Variants in SCD5 observed in about 807,000 individuals in gnomAD.
The protein encoded by SCD5 is stearoyl-CoA desaturase 5, also known as acyl-CoA-desaturase 4.
SCD5 carries 20 observed loss-of-function variants against 30.4 expected under a neutral mutation model. That is an observed-to-expected ratio of 0.66 (90% CI 0.46 to 0.96). SCD5 has a LOEUF of 0.96. Among genes scored for constraint, SCD5 ranks in the 40% least tolerant of loss-of-function variants. SCD5 has a pLI of 0.00. For missense variants in SCD5, 381 were observed against 443.3 expected, an observed-to-expected ratio of 0.86 and a Z score of 1.26; for synonymous variants, 173 against 176.4, an observed-to-expected ratio of 0.98 and a Z score of 0.16.
chr4:82,711,576 C>G (rs10020085), intron 1 of SCD5, among the ~76,000 whole-genome samples: 59,325 of 151,722 alleles, frequency 0.39, 12,103 homozygotes, highest in Middle Eastern at 0.51. Context: ...CGTGGTAGCA[C>G]GTGCCTGTAG....
intron 2 of SCD5, among the ~76,000 whole-genome samples, chr4:82,687,173 GAAAAAAA>G (rs58937590): frequency 9.2e-6 from 1 of 108,636 alleles, no homozygotes; most frequent in African/African-American, 3.4e-5. Context: ...CTTGTTACAA[GAAAAAAA>G]AAAAAAAAAG....
At chr4:82,696,687 G>A (rs1169361518) in intron 2 of SCD5, among the ~76,000 whole-genome samples, 1 of 152,172 alleles carries the variant, frequency 6.6e-6, no homozygotes, top group African/African-American at 2.4e-5. Context: ...AGGCAGCTGG[G>A]GGAGAAATCA....
chr4:82,784,540 G>A (rs1249468835), intron 1 of SCD5, among the ~76,000 whole-genome samples: 1 of 152,162 alleles, frequency 6.6e-6, no homozygotes, highest in Non-Finnish European at 1.5e-5. Flanking sequence ...TTGTAAACCA[G>A]AAAATAAAAT....
At chr4:82,783,005 C>G (rs1270467694) in intron 1 of SCD5, among the ~76,000 whole-genome samples, 1 of 152,192 alleles carries the variant, frequency 6.6e-6, no homozygotes, top group African/African-American at 2.4e-5. Context: ...TCTCCAACCC[C>G]CTGGCTATAA....
chr4:82,675,992 T>A (rs1028941830), intron 3 of SCD5, among the ~76,000 whole-genome samples: 5 of 152,198 alleles, frequency 3.3e-5, no homozygotes, highest in African/African-American at 7.2e-5. Context: ...AGAATACATT[T>A]CCCTGTTTCC....
chr4:82,682,791 G>A (rs1015932131), intron 2 of SCD5, among the ~76,000 whole-genome samples: 2 of 152,136 alleles, frequency 1.3e-5, no homozygotes, highest in Admixed American at 6.6e-5. Context: ...TGGGACTACA[G>A]GTGTATGCCA....
At chr4:82,664,997 C>CTATATATATATATATA in intron 3 of SCD5, among the ~76,000 whole-genome samples, 1 of 79,374 alleles carries the variant, frequency 1.3e-5, no homozygotes, top group South Asian at 5.5e-4. Context: ...CTCTCTCTCT[C>CTATATATATATATATA]TCTATATATA....
intron 1 of SCD5, among the ~76,000 whole-genome samples, chr4:82,784,675 A>G (rs1378307100): frequency 6.6e-6 from 1 of 152,232 alleles, no homozygotes; most frequent in African/African-American, 2.4e-5. Flanking sequence ...CATAACTTTA[A>G]GCCAGAATAA....
chr4:82,708,987 C>T (rs956208188), intron 1 of SCD5, among the ~76,000 whole-genome samples: 13 of 152,124 alleles, frequency 8.5e-5, no homozygotes, highest in African/African-American at 3.1e-4. Flanking sequence ...TCATTTAATA[C>T]TCACCACAAG....
chr4:82,676,662 C>A (rs7689308), intron 3 of SCD5, among the ~76,000 whole-genome samples: 121,960 of 152,204 alleles, frequency 0.8, 49,071 homozygotes, highest in Middle Eastern at 0.86. Context: ...AATCCAGGGC[C>A]TGGCCCAGAA....
intron 1 of SCD5, among the ~76,000 whole-genome samples, chr4:82,734,804 GCC>G (rs1720712740): frequency 7.3e-6 from 1 of 137,400 alleles, no homozygotes; most frequent in Non-Finnish European, 1.6e-5. Context: ...TCACTTTATT[GCC>G]CAGGCTGGAG....
At chr4:82,679,234 A>AAG (rs1560531633) in intron 3 of SCD5, among the ~76,000 whole-genome samples, 1 of 96,376 alleles carries the variant, frequency 1.0e-5, no homozygotes, top group African/African-American at 4.1e-5. Flanking sequence ...GAAAGAAAGA[A>AAG]AGAAAGAAAG....
intron 3 of SCD5, among the ~76,000 whole-genome samples, chr4:82,640,921 C>T (rs1727529694): frequency 6.6e-6 from 1 of 151,938 alleles, no homozygotes; most frequent in Non-Finnish European, 1.5e-5. Context: ...TGTCTTTTTG[C>T]TAAATGGGTT....
chr4:82,766,568 G>A (rs371605729), intron 1 of SCD5, among the ~76,000 whole-genome samples: 21 of 152,090 alleles, frequency 1.4e-4, no homozygotes, highest in Non-Finnish European at 2.5e-4. Context: ...TGTCATTTCC[G>A]ACTCTGTTTC....
chr4:82,729,308 T>C lies in SCD5; in HGVS notation c.233-23895A>G, dbSNP rs572026357. On this transcript the variant is annotated intron_variant, in intron 1 of 4. Coordinates refer to ENST00000319540, the MANE Select transcript of SCD5 (RefSeq NM_001037582.3). ...CAGAAGGAAGGAGGGGCTGTACCTATGGTGGTGAGGAGGGCCAAGGACTTC... is the reference window on the plus strand; with the variant it reads ...CAGAAGGAAGGAGGGGCTGTACCTACGGTGGTGAGGAGGGCCAAGGACTTC... 7.1e-4 allele frequency among the ~76,000 whole-genome samples: 108 copies of C among 152,242 alleles called. 1 individual carries two copies. Among genetic ancestry groups the C allele is most frequent in the African/African-American group, 2.4e-3 (100 of 41,538 alleles).
chr4:82,730,761 A>G (rs975504750), intron 1 of SCD5, among the ~76,000 whole-genome samples: 2 of 146,112 alleles, frequency 1.4e-5, no homozygotes, highest in African/African-American at 5.1e-5. Context: ...AATTTTTTGT[A>G]TTTTAGTAGA....
At chr4:82,736,010 G>A (rs376501435) in intron 1 of SCD5, among the ~76,000 whole-genome samples, 2 of 152,138 alleles carry the variant, frequency 1.3e-5, no homozygotes, top group East Asian at 3.9e-4. Context: ...TCTTGGCCAC[G>A]CACAGTGGCT....
chr4:82,632,018 C>A (rs920775309), intron 4 of SCD5, among the ~76,000 whole-genome samples: 4 of 151,642 alleles, frequency 2.6e-5, no homozygotes, highest in African/African-American at 9.7e-5. Flanking sequence ...TACTCTCTCA[C>A]TTTTTTTCAT....
chr4:82,660,520 TTAA>T, intron 3 of SCD5: 1 of 1,115,184 alleles, frequency 9.0e-7, no homozygotes, highest in Non-Finnish European at 1.1e-6. Flanking sequence ...GTATGTGTAG[TTAA>T]TAACACAAAT....
Sources: allele counts gnomAD v4.1 joint callset (sites outside exome capture counted in the v4.1 genomes callset), GRCh38; gene constraint gnomAD v4.1.1; transcripts MANE v1.5; gene names NCBI Gene and HGNC (gene_info 2026-07-23, HGNC 2026-07-21).